The following PPM1D variants were observed in gnomAD, a reference collection of about 807,000 sequenced individuals.
The protein encoded by PPM1D is protein phosphatase 1D.
PPM1D carries 52 observed loss-of-function variants against 58.3 expected under a neutral mutation model. The observed-to-expected ratio is 0.89, with a 90% CI of 0.71 to 1.12. The LOEUF is 1.12. Ranked by LOEUF, PPM1D falls within the 50% of genes most tolerant of loss-of-function variation. PPM1D has a pLI of 0.00. For missense variants in PPM1D, 564 were observed against 777.2 expected, an observed-to-expected ratio of 0.73 and a Z score of 3.26; for synonymous variants, 278 against 285.1, an observed-to-expected ratio of 0.98 and a Z score of 0.25.
At chr17:60,656,558 A>C in intron 4 of PPM1D, 41 bp from the exon 5 acceptor site, 1 of 1,599,802 alleles carries the variant, frequency 6.3e-7, no homozygotes, top group Non-Finnish European at 8.5e-7. Context: ...GTGGCAGCTA[A>C]ATCTGAGTTA....
At chr17:60,619,393 A>G (rs556636720) in intron 1 of PPM1D, among the ~76,000 whole-genome samples, 1 of 152,226 alleles carries the variant, frequency 6.6e-6, no homozygotes, top group South Asian at 2.1e-4. Flanking sequence ...TTCTTTGGAT[A>G]TACATTCAGA....
chr17:60,647,456 A>G (rs1227513681), intron 3 of PPM1D, among the ~76,000 whole-genome samples: 1 of 152,106 alleles, frequency 6.6e-6, no homozygotes, highest in Non-Finnish European at 1.5e-5. Flanking sequence ...TTCTATTGTA[A>G]TAATTTATTT....
At chr17:60,650,909 G>C (rs921789867) in intron 4 of PPM1D, among the ~76,000 whole-genome samples, 1 of 150,868 alleles carries the variant, frequency 6.6e-6, no homozygotes, top group Non-Finnish European at 1.5e-5. Context: ...GATTGTACTT[G>C]TTAATAGCCA....
intron 1 of PPM1D, among the ~76,000 whole-genome samples, chr17:60,608,671 T>C (rs2030384020): frequency 2.0e-5 from 3 of 152,162 alleles, no homozygotes; most frequent in Admixed American, 2.0e-4. Flanking sequence ...TACATCTTTT[T>C]CACTCCCCAT....
At chr17:60,641,591 G>A (rs2031135412) in intron 3 of PPM1D, among the ~76,000 whole-genome samples, 1 of 152,010 alleles carries the variant, frequency 6.6e-6, no homozygotes, top group East Asian at 1.9e-4. Flanking sequence ...TCTTTAATTA[G>A]GTCCTACTTG....
In PPM1D at chr17:60,603,649, GT is replaced by G. The variant is rs554401593; in HGVS notation, c.472+2765del. Among the ~76,000 whole-genome samples the G allele has an allele frequency of 3.3e-5, 5 of 152,280 alleles. No homozygotes were observed. The East Asian group carries it at 9.6e-4, about 29-fold the overall frequency. On this transcript the variant is annotated intron_variant, in intron 1 of 5. Transcript: ENST00000305921. ...GTGGTGGTGCATGCCTGTGATCCTA[GT>G]TACTCAGAAGGCTTAGGCAGAGAGA...
intron 2 of PPM1D, among the ~76,000 whole-genome samples, chr17:60,625,232 A>G (rs2030784159): frequency 6.6e-6 from 1 of 152,220 alleles, no homozygotes; most frequent in African/African-American, 2.4e-5. Flanking sequence ...GAACAACAAA[A>G]AAATGCAAAA....
intron 1 of PPM1D, among the ~76,000 whole-genome samples, chr17:60,609,340 G>A (rs998086716): frequency 1.4e-4 from 21 of 150,552 alleles, no homozygotes; most frequent in African/African-American, 3.9e-4. Context: ...TGATCCACCC[G>A]CCTTGGCCTC....
At chr17:60,620,886 T>C (rs180910288) in intron 1 of PPM1D, among the ~76,000 whole-genome samples, 4 of 152,298 alleles carry the variant, frequency 2.6e-5, no homozygotes, top group South Asian at 2.1e-4. Context: ...ATGTTTTTTT[T>C]CTAGGAGTTT....
intron 3 of PPM1D, among the ~76,000 whole-genome samples, chr17:60,634,399 T>TA (rs1024341937): frequency 3.3e-5 from 5 of 151,772 alleles, no homozygotes; most frequent in East Asian, 3.9e-4. Flanking sequence ...AGCAAGACTC[T>TA]AAAAAAAAGC....
intron 1 of PPM1D, among the ~76,000 whole-genome samples, chr17:60,602,791 A>AC (rs1286773844): frequency 3.3e-5 from 5 of 150,836 alleles, no homozygotes; most frequent in East Asian, 1.9e-4. Context: ...AAAAAAAAAA[A>AC]AAAAAAAAAG....
At chr17:60,642,243 C>G (rs2031148152) in intron 3 of PPM1D, among the ~76,000 whole-genome samples, 1 of 150,526 alleles carries the variant, frequency 6.6e-6, no homozygotes, top group Non-Finnish European at 1.5e-5. Flanking sequence ...AAATTTGAAG[C>G]AACTTGAGCA....
In PPM1D at chr17:60,634,048, G is replaced by A. The variant is rs1012320365; in HGVS notation, c.826+71G>A. ...TATATGGTGGCAAAATAAAAGAGGA[G>A]ACAGAACTAAACCCTTACTTGGCAT... On this transcript the variant is annotated intron_variant, in intron 3 of 5. Transcript: ENST00000305921. 24 of 1,534,204 alleles carry A rather than the reference G, an allele frequency of 1.6e-5. No individual in the cohort carries two copies. The Admixed American group carries it at 4.1e-4, about 26-fold the overall frequency.
rs1285582476 is a variant in PPM1D, at chr17:60,628,192, T to G, written c.701+4443T>G. ...AAAATCCCTGCATAATTTAAAAAAATTAATGACTTTAATTTTAAGAGTACT... is the reference window on the plus strand; with the variant it reads ...AAAATCCCTGCATAATTTAAAAAAAGTAATGACTTTAATTTTAAGAGTACT... On this transcript the variant is annotated intron_variant, in intron 2 of 5. Transcript: ENST00000305921. Among the ~76,000 whole-genome samples the G allele has an allele frequency of 4.6e-5, 7 of 152,304 alleles. No individual in the cohort carries two copies. In the East Asian group the frequency reaches 1.2e-3, roughly 25 times the overall value.
In PPM1D at chr17:60,656,579, C is replaced by T. The variant is rs2031443124; in HGVS notation, c.1018-20C>T. On this transcript the variant is annotated intron_variant, in intron 4 of 5. Transcript: ENST00000305921. ...GCTAAATCTGAGTTACTTTCCTTCT[C>T]CTTGTTCTTTTGAATACAGGGTGAG... 6.2e-7 allele frequency: 1 copy of T among 1,610,000 alleles called. No individual in the cohort carries two copies. The highest frequency in any genetic ancestry group is 1.3e-5 in the African/African-American group (1 of 74,950).
At position 60,633,944 on chromosome 17, in the gene PPM1D, C is replaced by G. The variant is rs2030975725; in HGVS notation, c.793C>G (p.Gln265Glu). Reference sequence around the variant, plus strand: ...TGTTAGAAGGAGCACAGTTATTGACCAGATTCCTTTTCTGGCAGTAGCAAG... The same window carrying G: ...TGTTAGAAGGAGCACAGTTATTGACGAGATTCCTTTTCTGGCAGTAGCAAG... ...GPVRRSTVID[Q>E]IPFLAVARAL... The change falls in exon 3 of 6, where the codon CAG becomes GAG. Residue 265 changes from glutamine (Q) to glutamate (E), a missense_variant. Physicochemically the swap from Gln to Glu is conservative, Grantham distance 29. This residue lies in a region of PPM1D where 95 missense variants were observed against 232.6 expected (regional missense o/e 0.41). Coordinates refer to ENST00000305921, the MANE Select transcript of PPM1D (RefSeq NM_003620.4). 1 of 1,613,744 alleles carries G rather than the reference C, an allele frequency of 6.2e-7. No individual in the cohort carries two copies. The highest frequency in any genetic ancestry group is 1.3e-5 in the African/African-American group (1 of 75,016).
chr17:60,614,551 C>A (rs181706923), intron 1 of PPM1D, among the ~76,000 whole-genome samples: 1 of 152,258 alleles, frequency 6.6e-6, no homozygotes, highest in Non-Finnish European at 1.5e-5. Flanking sequence ...GGAATAAAAG[C>A]AGGCTCAGCC....
chr17:60,614,289 A>C (rs2030534060), intron 1 of PPM1D, among the ~76,000 whole-genome samples: 1 of 151,948 alleles, frequency 6.6e-6, no homozygotes, highest in Admixed American at 6.6e-5. Context: ...GAGAATCTTT[A>C]TGTCTAGCCA....
At chr17:60,613,156 C>G (rs1300194862) in intron 1 of PPM1D, among the ~76,000 whole-genome samples, 1 of 151,600 alleles carries the variant, frequency 6.6e-6, no homozygotes, top group Non-Finnish European at 1.5e-5. Flanking sequence ...AATAGTATTA[C>G]TGCTTAAATA....
Sources: allele counts gnomAD v4.1 joint callset (sites outside exome capture counted in the v4.1 genomes callset), GRCh38; gene constraint gnomAD v4.1.1; regional missense constraint gnomAD v4.1.1; transcripts MANE v1.5; gene names NCBI Gene and HGNC (gene_info 2026-07-23, HGNC 2026-07-21).